IFFO2: variants seen among roughly 807,000 people sequenced by gnomAD.
IFFO2 encodes the protein intermediate filament family orphan 2.
In IFFO2, 19 loss-of-function variants were observed where a neutral mutation model predicts 53.5. The ratio of observed to expected loss-of-function variants is 0.36; its 90% CI spans 0.25 to 0.52. The LOEUF (loss-of-function observed/expected upper bound fraction) is 0.52. Ranked by LOEUF, IFFO2 falls within the 20% of genes least tolerant of loss-of-function variation. The pLI is 0.94. For synonymous variants in IFFO2, 303 were observed against 313.6 expected, an observed-to-expected ratio of 0.97 and a Z score of 0.36; for missense variants, 570 against 727.4, an observed-to-expected ratio of 0.78 and a Z score of 2.49.
At chr1:18,912,614 G>A (rs139571207) in intron 5 of IFFO2, among the ~76,000 whole-genome samples, 1 of 152,104 alleles carries the variant, frequency 6.6e-6, no homozygotes, top group Admixed American at 6.5e-5. Flanking sequence ...TCCCCATCAA[G>A]ACACTCCCCA....
chr1:18,911,679 C>T (rs1936042958), intron 6 of IFFO2, among the ~76,000 whole-genome samples: 1 of 152,082 alleles, frequency 6.6e-6, no homozygotes, highest in Non-Finnish European at 1.5e-5. Flanking sequence ...GCTGGGATTA[C>T]AGGTGCCCAC....
At chr1:18,939,404 G>A (rs576758609) in intron 1 of IFFO2, among the ~76,000 whole-genome samples, 7 of 152,324 alleles carry the variant, frequency 4.6e-5, no homozygotes, top group Admixed American at 2.0e-4. Flanking sequence ...CACCCAACTC[G>A]GACAGGCTGG....
chr1:18,918,269 G>T lies in IFFO2; in HGVS notation c.963+93C>A. 1 of 1,261,668 alleles carries T rather than the reference G, an allele frequency of 7.9e-7. No homozygotes were observed. The highest frequency in any genetic ancestry group is 1.1e-6 in the Non-Finnish European group (1 of 899,704). The allele number at this position is 1,261,668 out of a possible 1,614,324, so 78.2% of individuals were successfully genotyped here. Reference sequence around the variant, plus strand: ...GGGAAGGGGAGGGAGTGAGTGGGATGTGGAGGCAAACGGGTTGGCCGGGCA... The same window carrying T: ...GGGAAGGGGAGGGAGTGAGTGGGATTTGGAGGCAAACGGGTTGGCCGGGCA... On this transcript the variant is annotated intron_variant, in intron 4 of 8. Transcript: ENST00000455833. The surrounding 1 kb of genome is among the most constrained non-coding windows in gnomAD (Gnocchi z 5.2).
chr1:18,952,289 G>A (rs1936668849), intron 1 of IFFO2, among the ~76,000 whole-genome samples: 1 of 152,188 alleles, frequency 6.6e-6, no homozygotes, highest in Non-Finnish European at 1.5e-5. Context: ...GTAAAGACCT[G>A]GTTGGGCCAA....
At chr1:18,935,647 C>T (rs999541740) in intron 1 of IFFO2, among the ~76,000 whole-genome samples, 1 of 151,884 alleles carries the variant, frequency 6.6e-6, no homozygotes, top group African/African-American at 2.4e-5. Context: ...GTTACTGATC[C>T]CCTGCTGGTC....
At chr1:18,946,764 T>C (rs1936594173) in intron 1 of IFFO2, among the ~76,000 whole-genome samples, 1 of 152,124 alleles carries the variant, frequency 6.6e-6, no homozygotes, top group Non-Finnish European at 1.5e-5. Flanking sequence ...CTCCCCTGCC[T>C]CTGTGGCTCA....
In IFFO2 at chr1:18,906,313, GC is replaced by G. The variant is rs1165948038; in HGVS notation, c.*2247del. The G allele has an allele frequency of 1.3e-5, 2 of 152,124 alleles. No homozygotes were observed. The highest frequency in any genetic ancestry group is 2.4e-5 in the African/African-American group (1 of 41,402). The allele number at this position is 152,124 out of a possible 1,614,324, so 9.4% of individuals were successfully genotyped here. On this transcript the variant is annotated 3_prime_UTR_variant, in exon 9 of 9. Coordinates refer to ENST00000455833, the MANE Select transcript of IFFO2 (RefSeq NM_001136265.2). ...CAAGGAGGAAAGTAAAAATAATACC[GC>G]CGGACACCGATAACCACAGTAACCT...
chr1:18,955,566 A>C (rs1400797507), intron 1 of IFFO2, 102 bp downstream of exon 1: 44 of 1,427,322 alleles, frequency 3.1e-5, no homozygotes, highest in Non-Finnish European at 4.0e-5. Flanking sequence ...CCCACCTGCC[A>C]GTACCAGCTG....
chr1:18,916,508 G>A lies in IFFO2; in HGVS notation c.1103+395C>T, dbSNP rs1367963637. Among the ~76,000 whole-genome samples the A allele has an allele frequency of 6.6e-6, 1 of 152,196 alleles. No individual in the cohort carries two copies. Among genetic ancestry groups the A allele is most frequent in the Admixed American group, 6.5e-5 (1 of 15,280 alleles). On this transcript the variant is annotated intron_variant, in intron 5 of 8. Transcript: ENST00000455833. The surrounding 1 kb of genome is among the most constrained non-coding windows in gnomAD (Gnocchi z 4.3). ...TGGCTGTGTGCAGTGGTTCACGCCT[G>A]TAATCCCAGCACTTTGGGAGGCCAA... is the stretch of plus-strand genomic sequence containing the variant.
chr1:18,942,809 A>G (rs948885669), intron 1 of IFFO2, among the ~76,000 whole-genome samples: 1 of 151,664 alleles, frequency 6.6e-6, no homozygotes, highest in Non-Finnish European at 1.5e-5. Context: ...TCCAAGTCAG[A>G]TAAGTCCTGA....
intron 8 of IFFO2, among the ~76,000 whole-genome samples, chr1:18,909,838 T>G (rs1936008658): frequency 6.6e-6 from 1 of 152,050 alleles, no homozygotes; most frequent in Non-Finnish European, 1.5e-5. Context: ...GCTCAAGCAA[T>G]CCTCCCACCT....
chr1:18,934,677 G>A (rs1181995643), intron 1 of IFFO2, among the ~76,000 whole-genome samples: 2 of 152,088 alleles, frequency 1.3e-5, no homozygotes, highest in South Asian at 2.1e-4. Flanking sequence ...GGTTAACATC[G>A]GCTCTATATC....
At chr1:18,949,487 C>A (rs1292228017) in intron 1 of IFFO2, among the ~76,000 whole-genome samples, 2 of 152,252 alleles carry the variant, frequency 1.3e-5, no homozygotes, top group African/African-American at 4.8e-5. Context: ...CTTCCCGTCC[C>A]GGGCCTTCAG....
At position 18,919,690 on chromosome 1, in the gene IFFO2, C is replaced by G; in HGVS notation, c.810G>C (p.Gly270=). Residue 270 remains glycine, a synonymous_variant, in exon 3 of 9, where the codon GGG becomes GGC. Coordinates refer to ENST00000455833, the MANE Select transcript of IFFO2 (RefSeq NM_001136265.2). The surrounding 1 kb of genome is among the most constrained non-coding windows in gnomAD (Gnocchi z 4.9). ...GGGCGGCACTTACGTCACTCATAAG[C>G]CCCTTAAACACCACCAGCTCGGCCT... ...RLKAELVVFK[G]LMSDPMTDLD... 1 of 1,551,302 alleles carries G rather than the reference C, an allele frequency of 6.4e-7. No individual in the cohort carries two copies. The highest frequency in any genetic ancestry group is 8.7e-7 in the Non-Finnish European group (1 of 1,146,650).
chr1:18,950,114 A>C (rs1409765210), intron 1 of IFFO2, among the ~76,000 whole-genome samples: 1 of 152,198 alleles, frequency 6.6e-6, no homozygotes, highest in East Asian at 1.9e-4. Flanking sequence ...AAGTTGGGAG[A>C]AAGGGCTGGG....
At chr1:18,934,891 C>A (rs915866409) in intron 1 of IFFO2, among the ~76,000 whole-genome samples, 3 of 152,216 alleles carry the variant, frequency 2.0e-5, no homozygotes, top group Non-Finnish European at 4.4e-5. Flanking sequence ...TCCTTGCAAT[C>A]TAAACAAGAC....
intron 5 of IFFO2, among the ~76,000 whole-genome samples, chr1:18,913,933 G>A (rs1035157454): frequency 4.1e-4 from 62 of 150,284 alleles, no homozygotes; most frequent in Middle Eastern, 3.4e-3. Flanking sequence ...TGGGGTTCAC[G>A]CCATTCTCCT....
intron 1 of IFFO2, among the ~76,000 whole-genome samples, chr1:18,935,573 TC>T (rs1051546060): frequency 2.0e-5 from 3 of 152,108 alleles, no homozygotes; most frequent in Non-Finnish European, 2.9e-5. Flanking sequence ...CTGACCCGAC[TC>T]CTTGGTCAGG....
rs557891517 is a variant in IFFO2 at position 18,916,311 on chromosome 1, G to C, written c.1103+592C>G. ...AGGAAAGGCAGGAGAATGGCAGACA[G>C]GGAACATAAAGGATGCTGGCGAATG... On this transcript the variant is annotated intron_variant, in intron 5 of 8. Coordinates refer to ENST00000455833, the MANE Select transcript of IFFO2 (RefSeq NM_001136265.2). This position sits in a 1 kb window ranked among gnomAD's most constrained non-coding sequence, Gnocchi z 4.3. Among the ~76,000 whole-genome samples the C allele has an allele frequency of 2.8e-4, 43 of 152,284 alleles. No individual in the cohort carries two copies. Among genetic ancestry groups the C allele is most frequent in the African/African-American group, 9.9e-4 (41 of 41,546 alleles).
Sources: gnomAD v4.1 joint callset for allele counts (sites outside exome capture counted in the v4.1 genomes callset) on GRCh38, gnomAD v4.1.1 for gene constraint, Gnocchi (gnomAD v3.1) non-coding constraint, MANE v1.5 for transcripts, NCBI Gene and HGNC (gene_info 2026-07-23, HGNC 2026-07-21) for gene names.